The following ZDHHC22 variants were observed in gnomAD, a reference collection of about 807,000 sequenced individuals.
The protein encoded by ZDHHC22 is zDHHC palmitoyltransferase 22.
In ZDHHC22, 13 loss-of-function variants were observed where a neutral mutation model predicts 17.0. The observed-to-expected ratio is 0.76, with a 90% CI of 0.50 to 1.21. ZDHHC22 has a LOEUF of 1.21. ZDHHC22 is among the 50% of genes most tolerant of loss of function. ZDHHC22 has a pLI of 0.00. For synonymous variants in ZDHHC22, 138 were observed against 154.7 expected (o/e 0.89, Z 0.80); for missense variants, 319 against 342.3 (o/e 0.93, Z 0.54).
chr14:77,138,400 A>G (rs1238526897), intron 2 of ZDHHC22, among the ~76,000 whole-genome samples: 1 of 152,206 alleles, frequency 6.6e-6, no homozygotes, highest in Non-Finnish European at 1.5e-5. Flanking sequence ...TCTACTAAAA[A>G]TACAAAAATT....
At chr14:77,141,025 T>G (rs1887243168) in intron 1 of ZDHHC22, 1 of 152,302 alleles carries the variant, frequency 6.6e-6, no homozygotes, top group African/African-American at 2.4e-5. Context: ...CTGGTCACCT[T>G]GGAATCCCCT....
At chr14:77,137,613 G>T (rs1200468179) in intron 2 of ZDHHC22, among the ~76,000 whole-genome samples, 3 of 140,900 alleles carry the variant, frequency 2.1e-5, no homozygotes, top group Non-Finnish European at 3.0e-5. Flanking sequence ...GATCCAGAAG[G>T]CCTGAAAGCT....
At chr14:77,136,093 C>T (rs1271046088) in intron 2 of ZDHHC22, among the ~76,000 whole-genome samples, 1 of 152,228 alleles carries the variant, frequency 6.6e-6, no homozygotes, top group Non-Finnish European at 1.5e-5. Flanking sequence ...AATCACCCAG[C>T]ATACTTTTTA....
chr14:77,139,244 G>A lies in ZDHHC22; in HGVS notation c.495C>T (p.Leu165=). The change falls in exon 2 of 3, where the codon CTC becomes CTT. Residue 165 remains leucine, a synonymous_variant. Coordinates refer to ENST00000319374, the MANE Select transcript of ZDHHC22 (RefSeq NM_174976.2). Reference sequence around the variant, plus strand: ...AGAACTGGCTGATGGAGGTGGGCAGGAGCGTGAGGAAGGCCAAGGGGTGGG... The same window carrying A: ...AGAACTGGCTGATGGAGGTGGGCAGAAGCGTGAGGAAGGCCAAGGGGTGGG... ...SFAHPLAFLT[L]LPTSISQFFS... 1.3e-6 allele frequency: 2 copies of A among 1,589,814 alleles called. No individual in the cohort carries two copies. Among genetic ancestry groups the A allele is most frequent in the Non-Finnish European group, 8.6e-7 (1 of 1,168,330 alleles).
Position 77,132,817 on chromosome 14 carries a change from C to CAA in ZDHHC22, c.*865_*866insTT, listed in dbSNP as rs367639970. On this transcript the variant is annotated 3_prime_UTR_variant, in exon 3 of 3. Transcript: ENST00000319374. ...CACCCATCTCTCTCTCTCTCTCTCT[C>CAA]ACACACACACACACACACACACACA... The CAA allele has an allele frequency of 3.5e-5, 1 of 28,494 alleles. No individual in the cohort carries two copies. Among genetic ancestry groups the CAA allele is most frequent in the African/African-American group, 2.1e-4 (1 of 4,798 alleles). 1.8% of individuals were successfully genotyped at this position (28,494 alleles called of 1,614,324 possible). A position where few individuals can be genotyped will look rare whatever the true frequency, so the allele number is the denominator to read the frequency against.
At chr14:77,138,965 A>C (rs1474424184) in intron 2 of ZDHHC22, among the ~76,000 whole-genome samples, 1 of 152,256 alleles carries the variant, frequency 6.6e-6, no homozygotes, top group Non-Finnish European at 1.5e-5. Flanking sequence ...AATAAAATAC[A>C]GCATGTCCGC....
intron 2 of ZDHHC22, among the ~76,000 whole-genome samples, chr14:77,135,737 C>T (rs1887124676): frequency 6.6e-6 from 1 of 152,244 alleles, no homozygotes; most frequent in South Asian, 2.1e-4. Flanking sequence ...TCAGAGCTGT[C>T]AAGCTTGGGC....
At chr14:77,138,778 T>G (rs143712178) in intron 2 of ZDHHC22, among the ~76,000 whole-genome samples, 5 of 152,060 alleles carry the variant, frequency 3.3e-5, no homozygotes, top group Admixed American at 3.3e-4. Flanking sequence ...TAAGCAGAAC[T>G]GGGGACCAGG....
Position 77,133,638 on chromosome 14 carries a change from G to A in ZDHHC22, c.*45C>T, listed in dbSNP as rs1440110838. The A allele has an allele frequency of 7.6e-6, 12 of 1,578,832 alleles. No homozygotes were observed. Among genetic ancestry groups the A allele is most frequent in the Non-Finnish European group, 1.0e-5 (12 of 1,161,588 alleles). On this transcript the variant is annotated 3_prime_UTR_variant, in exon 3 of 3. Coordinates refer to ENST00000319374, the MANE Select transcript of ZDHHC22 (RefSeq NM_174976.2). ...AAGGCTGCCATGGTTTTATGCTCAG[G>A]AGGAGTCAAGACAGAGACAGAGAGA... is the stretch of plus-strand genomic sequence containing the variant.
At position 77,133,895 on chromosome 14, in the gene ZDHHC22, C is replaced by T; in HGVS notation, c.580G>A (p.Ala194Thr). ...AAGCCGGCGCAGGCCAGGCCGATGG[C>T]GAACCAGAGGTAGAGCATGAGGATG... Reference protein sequence around the residue: ...FVILMLYLWFAIGLACAGFCC... With the variant: ...FVILMLYLWFTIGLACAGFCC... Residue 194 changes from alanine to threonine, a missense_variant, in exon 3 of 3, where the codon GCC becomes ACC. Physicochemically the swap from Ala to Thr is moderately conservative, Grantham distance 58. Coordinates refer to ENST00000319374, the MANE Select transcript of ZDHHC22 (RefSeq NM_174976.2). The T allele has an allele frequency of 6.2e-7, 1 of 1,611,822 alleles. No homozygotes were observed. Among genetic ancestry groups the T allele is most frequent in the African/African-American group, 1.3e-5 (1 of 75,022 alleles).
intron 2 of ZDHHC22, among the ~76,000 whole-genome samples, chr14:77,134,649 T>C (rs548768444): frequency 1.8e-3 from 271 of 152,308 alleles, no homozygotes; most frequent in Non-Finnish European, 2.7e-3. Context: ...TCATCAGCCC[T>C]GTGTCGTGGG....
At position 77,132,820 on chromosome 14, in the gene ZDHHC22, A is replaced by ACACACT. The variant is rs2140048079; in HGVS notation, c.*862_*863insAGTGTG. 4.5e-5 allele frequency: 1 copy of ACACACT among 22,244 alleles called. No individual in the cohort carries two copies. Among genetic ancestry groups the ACACACT allele is most frequent in the East Asian group, 1.1e-3 (1 of 926 alleles). 1.4% of individuals were successfully genotyped at this position (22,244 alleles called of 1,614,324 possible). ...CCATCTCTCTCTCTCTCTCTCTCAC[A>ACACACT]CACACACACACACACACACACACAC... On this transcript the variant is annotated 3_prime_UTR_variant, in exon 3 of 3. Coordinates refer to ENST00000319374, the MANE Select transcript of ZDHHC22 (RefSeq NM_174976.2).
rs1887240396 is a variant in ZDHHC22 at position 77,140,866 on chromosome 14, A to G, written c.-15+737T>C. On this transcript the variant is annotated intron_variant, in intron 1 of 2. Coordinates refer to ENST00000319374, the MANE Select transcript of ZDHHC22 (RefSeq NM_174976.2). This position sits in a 1 kb window ranked among gnomAD's most constrained non-coding sequence, Gnocchi z 5.9. ...GGCCAGCTTCGGAAGCCACCGAGAAATAGGATTCCGTGCGCCCGAGAGAAC... is the reference window on the plus strand; with the variant it reads ...GGCCAGCTTCGGAAGCCACCGAGAAGTAGGATTCCGTGCGCCCGAGAGAAC... 1 of 152,222 alleles carries G rather than the reference A, an allele frequency of 6.6e-6. No individual in the cohort carries two copies. The highest frequency in any genetic ancestry group is 1.5e-5 in the Non-Finnish European group (1 of 68,070). 9.4% of individuals were successfully genotyped at this position (152,222 alleles called of 1,614,324 possible). A position where few individuals can be genotyped will look rare whatever the true frequency, so the allele number is the denominator to read the frequency against.
chr14:77,131,839 G>C lies in ZDHHC22; in HGVS notation c.*1844C>G, dbSNP rs986929397. 1.3e-5 allele frequency: 2 copies of C among 152,252 alleles called. No homozygotes were observed. Among genetic ancestry groups the C allele is most frequent in the Non-Finnish European group, 2.9e-5 (2 of 68,068 alleles). 9.4% of individuals were successfully genotyped at this position (152,252 alleles called of 1,614,324 possible). On this transcript the variant is annotated 3_prime_UTR_variant, in exon 3 of 3. Coordinates refer to ENST00000319374, the MANE Select transcript of ZDHHC22 (RefSeq NM_174976.2). ...GTGCCTGGAAGAGGCTGGGAACGTAGTTGGCACTCAATAAATATACGTAGG... is the reference window on the plus strand; with the variant it reads ...GTGCCTGGAAGAGGCTGGGAACGTACTTGGCACTCAATAAATATACGTAGG...
At chr14:77,137,360 C>T (rs1410665925) in intron 2 of ZDHHC22, among the ~76,000 whole-genome samples, 3 of 152,196 alleles carry the variant, frequency 2.0e-5, no homozygotes, top group Admixed American at 6.5e-5. Flanking sequence ...CAGATCAAAC[C>T]TAGCACATAT....
intron 2 of ZDHHC22, among the ~76,000 whole-genome samples, chr14:77,137,265 G>A (rs1887154646): frequency 6.6e-6 from 1 of 152,192 alleles, no homozygotes; most frequent in South Asian, 2.1e-4. Flanking sequence ...CAGTGGATAT[G>A]GTGAGGAAGT....
chr14:77,136,150 C>A (rs549319955), intron 2 of ZDHHC22, among the ~76,000 whole-genome samples: 1 of 152,104 alleles, frequency 6.6e-6, no homozygotes, highest in South Asian at 2.1e-4. Flanking sequence ...GTGGCTCATT[C>A]GAGAAGCAGC....
rs1183609696 is a variant in ZDHHC22 at position 77,139,758 on chromosome 14, G to C, written c.-14-6C>G. On this transcript the variant is annotated splice_polypyrimidine_tract_variant and splice_region_variant and intron_variant, in intron 1 of 2. Coordinates refer to ENST00000319374, the MANE Select transcript of ZDHHC22 (RefSeq NM_174976.2). ...CAGCATCCTCGATTACATTCCTGCG[G>C]GGCCCGGGGTGAGAAGAGGACTGAC... The C allele has an allele frequency of 1.4e-6, 2 of 1,471,782 alleles. No individual in the cohort carries two copies. Among genetic ancestry groups the C allele is most frequent in the Admixed American group, 2.6e-5 (1 of 37,900 alleles). The allele number at this position is 1,471,782 out of a possible 1,614,324, so 91.2% of individuals were successfully genotyped here.
intron 2 of ZDHHC22, among the ~76,000 whole-genome samples, chr14:77,135,709 A>G (rs2140050948): frequency 6.6e-6 from 1 of 152,326 alleles, no homozygotes; most frequent in Non-Finnish European, 1.5e-5. Flanking sequence ...GTGGCCCTCA[A>G]GCTGGGATGT....
Sources: allele counts gnomAD v4.1 joint callset (sites outside exome capture counted in the v4.1 genomes callset), GRCh38; gene constraint gnomAD v4.1.1; non-coding constraint Gnocchi (gnomAD v3.1); transcripts MANE v1.5; gene names NCBI Gene and HGNC (gene_info 2026-07-23, HGNC 2026-07-21).